The following TRADD variants were observed in gnomAD, a reference collection of about 807,000 sequenced individuals.
TRADD encodes TNFRSF1A associated via death domain, also known as tumor necrosis factor receptor type 1-associated DEATH domain protein.
A neutral mutation model predicts 31.5 loss-of-function variants in TRADD; 14 were observed. The ratio of observed to expected loss-of-function variants is 0.44; its 90% confidence interval spans 0.29 to 0.69. TRADD has a LOEUF of 0.69. TRADD is among the 30% of genes least tolerant of loss of function. The probability of loss-of-function intolerance (pLI) is 0.11; values close to 1 mark genes in which losing one functional copy is unlikely to be tolerated. For missense variants in TRADD, 388 were observed against 435.7 expected (o/e 0.89, Z 0.97); for synonymous variants, 220 against 215.8 (o/e 1.02, Z -0.17).
rs759861310 is a variant in TRADD at position 67,155,268 on chromosome 16, C to T, written c.456G>A (p.Leu152=). ...QQPDRLRDEE[L]AELEDALRNL... ...TTCGCAGCGCATCCTCCAGCTCAGCCAGTTCTTCATCCCGGAGCCGGTCGG... is the reference window on the plus strand; with the variant it reads ...TTCGCAGCGCATCCTCCAGCTCAGCTAGTTCTTCATCCCGGAGCCGGTCGG... Residue 152 remains leucine, a synonymous_variant, in exon 4 of 5, where the codon CTG becomes CTA. Coordinates refer to ENST00000345057, the MANE Select transcript of TRADD (RefSeq NM_003789.4). 2 of 1,610,444 alleles carry T rather than the reference C, an allele frequency of 1.2e-6. No homozygotes were observed. The highest frequency in any genetic ancestry group is 1.7e-6 in the Non-Finnish European group (2 of 1,179,206).
Position 67,154,848 on chromosome 16 carries a change from G to T in TRADD, c.740C>A (p.Pro247Gln). ...LQRGCRALRD[P>Q]ALDSLAYEYE... is the part of the protein sequence containing the mutation. ...CTCGTAGGCCAGCGAGTCCAGCGCC[G>T]GGTCCCGCAGCGCCCGGCAGCCTCG... The change falls in exon 5 of 5, where the codon CCG becomes CAG. Residue 247 changes from proline to glutamine, a missense_variant. Pro to Gln is a moderately conservative substitution (Grantham distance 76, BLOSUM62 -1). Transcript: ENST00000345057. The surrounding 1 kb of genome is among the most constrained non-coding windows in gnomAD (Gnocchi z 5.2). 1 of 1,593,042 alleles carries T rather than the reference G, an allele frequency of 6.3e-7. No homozygotes were observed. The highest frequency in any genetic ancestry group is 2.3e-5 in the East Asian group (1 of 43,112).
Position 67,155,309 on chromosome 16 carries a change from C to G in TRADD, c.430-15G>C, listed in dbSNP as rs1215328358. On this transcript the variant is annotated splice_polypyrimidine_tract_variant and intron_variant, in intron 3 of 4. Coordinates refer to ENST00000345057, the MANE Select transcript of TRADD (RefSeq NM_003789.4). Reference sequence around the variant, plus strand: ...AGCCGGTCGGGCTAGGGGAATGGAACGTGCCGTCACGGGGGACTTAACCGC... The same window carrying G: ...AGCCGGTCGGGCTAGGGGAATGGAAGGTGCCGTCACGGGGGACTTAACCGC... 1 of 1,609,806 alleles carries G rather than the reference C, an allele frequency of 6.2e-7. No homozygotes were observed. The highest frequency in any genetic ancestry group is 8.5e-7 in the Non-Finnish European group (1 of 1,179,564).
intron 1 of TRADD, among the ~76,000 whole-genome samples, chr16:67,157,626 T>C (rs2030745767): frequency 6.6e-6 from 1 of 152,238 alleles, no homozygotes; most frequent in African/African-American, 2.4e-5. Flanking sequence ...TTCAGTTATG[T>C]GAGCTAAATA....
At position 67,159,219 on chromosome 16, in the gene TRADD, G is replaced by C. The variant is rs1462979353; in HGVS notation, c.-9+619C>G. ...TTTTTGGGCGGGGCTGAGGCTTCCAGGCTGGGTCCTGAGAAAGTTTGGTGG... is the reference window on the plus strand; with the variant it reads ...TTTTTGGGCGGGGCTGAGGCTTCCACGCTGGGTCCTGAGAAAGTTTGGTGG... On this transcript the variant is annotated intron_variant, in intron 1 of 4. Coordinates refer to ENST00000345057, the MANE Select transcript of TRADD (RefSeq NM_003789.4). This position sits in a 1 kb window ranked among gnomAD's most constrained non-coding sequence, Gnocchi z 6.8. 6.6e-6 allele frequency among the ~76,000 whole-genome samples: 1 copy of C among 152,240 alleles called. No individual in the cohort carries two copies. Among genetic ancestry groups the C allele is most frequent in the Non-Finnish European group, 1.5e-5 (1 of 68,046 alleles).
Position 67,154,780 on chromosome 16 carries a change from G to A in TRADD, c.808C>T (p.Arg270Trp). The change falls in exon 5 of 5, where the codon CGG becomes TGG. Residue 270 changes from arginine to tryptophan, a missense_variant. Arg to Trp is a moderately radical substitution (Grantham distance 101). Coordinates refer to ENST00000345057, the MANE Select transcript of TRADD (RefSeq NM_003789.4). This position sits in a 1 kb window ranked among gnomAD's most constrained non-coding sequence, Gnocchi z 5.2. Reference protein sequence around the residue: ...GLYEQAFQLLRRFVQAEGRRA... With the variant: ...GLYEQAFQLLWRFVQAEGRRA... ...CGGCCCTCGGCCTGCACGAAGCGCCGCAGCAGCTGGAAGGCCTGCTCGTAC... is the reference window on the plus strand; with the variant it reads ...CGGCCCTCGGCCTGCACGAAGCGCCACAGCAGCTGGAAGGCCTGCTCGTAC... 1 of 1,601,900 alleles carries A rather than the reference G, an allele frequency of 6.2e-7. No individual in the cohort carries two copies. The highest frequency in any genetic ancestry group is 8.5e-7 in the Non-Finnish European group (1 of 1,175,148).
At chr16:67,158,279 C>T (rs1033919102) in intron 1 of TRADD, among the ~76,000 whole-genome samples, 3 of 152,246 alleles carry the variant, frequency 2.0e-5, no homozygotes, top group African/African-American at 7.2e-5. Flanking sequence ...AACCCTCTCA[C>T]CTCAACCTTT....
Position 67,156,056 on chromosome 16 carries a change from G to A in TRADD, c.152-402C>T. The A allele has an allele frequency of 7.4e-7, 1 of 1,356,276 alleles. No individual in the cohort carries two copies. The highest frequency in any genetic ancestry group is 9.7e-7 in the Non-Finnish European group (1 of 1,033,700). The allele number at this position is 1,356,276 out of a possible 1,614,324, so 84.0% of individuals were successfully genotyped here. ...GCCTCCACCAAGCGCGACTCCCACT[G>A]CTCGGGAAGAAGAGGGGCTCTCGCC... is the stretch of plus-strand genomic sequence containing the variant. On this transcript the variant is annotated intron_variant, in intron 2 of 4. Transcript: ENST00000345057. The surrounding 1 kb of genome is among the most constrained non-coding windows in gnomAD (Gnocchi z 4.6).
Position 67,156,086 on chromosome 16 carries a change from T to C in TRADD, c.151+424A>G. The C allele has an allele frequency of 7.4e-7, 1 of 1,347,252 alleles. No homozygotes were observed. The allele number at this position is 1,347,252 out of a possible 1,614,324, so 83.5% of individuals were successfully genotyped here. On this transcript the variant is annotated intron_variant, in intron 2 of 4. Transcript: ENST00000345057. The surrounding 1 kb of genome is among the most constrained non-coding windows in gnomAD (Gnocchi z 4.6). The stretch of plus-strand genomic sequence containing the variant: ...GGAAGAAGAGGGGCTCTCGCCGCTC[T>C]GAGGCCACGAACAGATCCCCCAACC...
chr16:67,155,362 C>A lies in TRADD; in HGVS notation c.429+15G>T. On this transcript the variant is annotated intron_variant, in intron 3 of 4. Transcript: ENST00000345057. ...ATCCCCGCCCTACCCCATCCTGACC[C>A]TAGCCCGGCCGCACCTGCTGGGCTA... 6.2e-7 allele frequency: 1 copy of A among 1,602,244 alleles called. No homozygotes were observed. Among genetic ancestry groups the A allele is most frequent in the African/African-American group, 1.3e-5 (1 of 75,058 alleles).
chr16:67,159,051 G>A lies in TRADD; in HGVS notation c.-9+787C>T, dbSNP rs2030804540. Among the ~76,000 whole-genome samples the A allele has an allele frequency of 6.6e-6, 1 of 152,220 alleles. No homozygotes were observed. Among genetic ancestry groups the A allele is most frequent in the Non-Finnish European group, 1.5e-5 (1 of 68,032 alleles). ...ACTAGTACTAGAAGATGGGGAAGGT[G>A]AACCAGGCTGGAGGTCGAGTTAACA... On this transcript the variant is annotated intron_variant, in intron 1 of 4. Coordinates refer to ENST00000345057, the MANE Select transcript of TRADD (RefSeq NM_003789.4). This position sits in a 1 kb window ranked among gnomAD's most constrained non-coding sequence, Gnocchi z 6.8.
chr16:67,155,017 C>CA, intron 4 of TRADD, 58 bp from the exon 5 acceptor site: 2 of 1,554,076 alleles, frequency 1.3e-6, no homozygotes, highest in Non-Finnish European at 1.7e-6. Flanking sequence ...CGGTCCCACC[C>CA]ATCCCCACCC....
intron 1 of TRADD, among the ~76,000 whole-genome samples, chr16:67,158,941 A>C (rs975112836): frequency 6.6e-6 from 1 of 151,756 alleles, no homozygotes; most frequent in Non-Finnish European, 1.5e-5. Flanking sequence ...GAACAGGACC[A>C]TTGTCTGCCC....
At chr16:67,157,283 C>T (rs1000270435) in intron 1 of TRADD, among the ~76,000 whole-genome samples, 2 of 152,224 alleles carry the variant, frequency 1.3e-5, no homozygotes, top group South Asian at 2.1e-4. Flanking sequence ...CTCCCTAGTT[C>T]CAGGTCGGGC....
rs775787179 is a variant in TRADD, at chr16:67,155,445, C to G, written c.361G>C (p.Gly121Arg). Reference sequence around the variant, plus strand: ...AGCAAAGCGTCCAGCCGCTCGGCGCCGGCGCGCAGCTCCAGTTGCAGCGGC... The same window carrying G: ...AGCAAAGCGTCCAGCCGCTCGGCGCGGGCGCGCAGCTCCAGTTGCAGCGGC... Reference protein sequence around the residue: ...SVPLQLELRAGAERLDALLAD... With the variant: ...SVPLQLELRARAERLDALLAD... Residue 121 changes from glycine to arginine, a missense_variant, in exon 3 of 5, where the codon GGC becomes CGC. Gly to Arg is a moderately radical substitution (Grantham distance 125). Coordinates refer to ENST00000345057, the MANE Select transcript of TRADD (RefSeq NM_003789.4). The G allele has an allele frequency of 1.9e-6, 3 of 1,595,104 alleles. No individual in the cohort carries two copies. Among genetic ancestry groups the G allele is most frequent in the Middle Eastern group, 1.7e-4 (1 of 6,038 alleles).
chr16:67,156,050 C>T lies in TRADD; in HGVS notation c.152-396G>A. 7.4e-7 allele frequency: 1 copy of T among 1,359,552 alleles called. No homozygotes were observed. 84.2% of individuals were successfully genotyped at this position (1,359,552 alleles called of 1,614,324 possible). A position where few individuals can be genotyped will look rare whatever the true frequency, so the allele number is the denominator to read the frequency against. On this transcript the variant is annotated intron_variant, in intron 2 of 4. Transcript: ENST00000345057. This position sits in a 1 kb window ranked among gnomAD's most constrained non-coding sequence, Gnocchi z 4.6. ...TCTTCGGCCTCCACCAAGCGCGACTCCCACTGCTCGGGAAGAAGAGGGGCT... is the reference window on the plus strand; with the variant it reads ...TCTTCGGCCTCCACCAAGCGCGACTTCCACTGCTCGGGAAGAAGAGGGGCT...
intron 2 of TRADD, 130 bp from the exon 3 acceptor site, chr16:67,155,784 A>G: frequency 1.4e-6 from 2 of 1,465,442 alleles, no homozygotes; most frequent in Non-Finnish European, 1.8e-6. Context: ...GTTACCCCAG[A>G]GTACCCAGCT....
Position 67,156,343 on chromosome 16 carries a change from A to G in TRADD, c.151+167T>C. 1 of 1,209,406 alleles carries G rather than the reference A, an allele frequency of 8.3e-7. No individual in the cohort carries two copies. The highest frequency in any genetic ancestry group is 1.2e-6 in the Non-Finnish European group (1 of 860,308). 74.9% of individuals were successfully genotyped at this position (1,209,406 alleles called of 1,614,324 possible). Reference sequence around the variant, plus strand: ...TACACAGACTCGAGAACACACGCCTATCCTCAAGGTCATGCCACAAGCAAA... The same window carrying G: ...TACACAGACTCGAGAACACACGCCTGTCCTCAAGGTCATGCCACAAGCAAA... On this transcript the variant is annotated intron_variant, in intron 2 of 4. Coordinates refer to ENST00000345057, the MANE Select transcript of TRADD (RefSeq NM_003789.4). This position sits in a 1 kb window ranked among gnomAD's most constrained non-coding sequence, Gnocchi z 4.6.
chr16:67,158,112 C>A (rs1054296762), intron 1 of TRADD, among the ~76,000 whole-genome samples: 1 of 152,194 alleles, frequency 6.6e-6, no homozygotes, highest in African/African-American at 2.4e-5. Context: ...CCTGCCCTGG[C>A]CTCCCAAAGT....
rs1234821398 is a variant in TRADD, at chr16:67,159,305, G to T, written c.-9+533C>A. Among the ~76,000 whole-genome samples the T allele has an allele frequency of 6.6e-6, 1 of 152,202 alleles. No homozygotes were observed. The highest frequency in any genetic ancestry group is 2.4e-5 in the African/African-American group (1 of 41,458). ...AACTTCTGCGCCTGTTTCCAGGGACGAGCCACGCACGGTGCCCCCTGAACA... is the reference window on the plus strand; with the variant it reads ...AACTTCTGCGCCTGTTTCCAGGGACTAGCCACGCACGGTGCCCCCTGAACA... On this transcript the variant is annotated intron_variant, in intron 1 of 4. Transcript: ENST00000345057. This position sits in a 1 kb window ranked among gnomAD's most constrained non-coding sequence, Gnocchi z 6.8.
Sources: gnomAD v4.1 joint callset for allele counts (sites outside exome capture counted in the v4.1 genomes callset) on GRCh38, gnomAD v4.1.1 for gene constraint, Gnocchi (gnomAD v3.1) non-coding constraint, MANE v1.5 for transcripts, NCBI Gene and HGNC (gene_info 2026-07-23, HGNC 2026-07-21) for gene names.